The following KIAA0825 variants were observed in gnomAD, a reference collection of about 807,000 sequenced individuals.
KIAA0825 encodes the protein uncharacterized protein KIAA0825.
KIAA0825 carries 119 observed loss-of-function variants against 147.6 expected under a neutral mutation model. That is an observed-to-expected ratio of 0.81 (90% confidence interval 0.69 to 0.94). KIAA0825 has a LOEUF of 0.94. Ranked by LOEUF, KIAA0825 falls within the 40% of genes least tolerant of loss-of-function variation. KIAA0825 has a pLI of 0.00. For missense variants in KIAA0825, 1,381 were observed against 1,472.7 expected, an observed-to-expected ratio of 0.94 and a Z score of 1.02; for synonymous variants, 470 against 518.1, an observed-to-expected ratio of 0.91 and a Z score of 1.26.
intron 20 of KIAA0825, among the ~76,000 whole-genome samples, chr5:94,255,327 G>A (rs1390055067): frequency 6.6e-6 from 1 of 151,846 alleles, no homozygotes; most frequent in Admixed American, 6.6e-5. Flanking sequence ...AACTTTATAA[G>A]AGTGCCTAAA....
At chr5:94,205,449 C>T (rs1460536311) in intron 20 of KIAA0825, among the ~76,000 whole-genome samples, 2 of 151,220 alleles carry the variant, frequency 1.3e-5, no homozygotes, top group African/African-American at 4.9e-5. Context: ...CTACAGGTGC[C>T]CACCACCACT....
intron 20 of KIAA0825, among the ~76,000 whole-genome samples, chr5:94,327,448 G>A (rs76046039): frequency 0.023 from 3,472 of 151,856 alleles, 117 homozygotes; most frequent in African/African-American, 0.079. Context: ...CTTCATCACC[G>A]TCTCTACAGG....
At chr5:94,302,275 T>A (rs906122448) in intron 20 of KIAA0825, among the ~76,000 whole-genome samples, 8 of 152,164 alleles carry the variant, frequency 5.3e-5, no homozygotes, top group Admixed American at 5.2e-4. Context: ...GCCTAACATA[T>A]GTTCTATTCA....
rs1766582065 is a variant in KIAA0825 at position 94,152,663 on chromosome 5, A to G, written c.*1344T>C. On this transcript the variant is annotated 3_prime_UTR_variant, in exon 21 of 21. Coordinates refer to ENST00000682413, the MANE Select transcript of KIAA0825 (RefSeq NM_001145678.3). ...CTCATCTTTACAAAAAAATTAAAAA[A>G]AATTAACCAGGTGTGGTGGCATGCA... is the stretch of plus-strand genomic sequence containing the variant. Among the ~76,000 whole-genome samples the G allele has an allele frequency of 6.7e-6, 1 of 150,020 alleles. No individual in the cohort carries two copies. The highest frequency in any genetic ancestry group is 6.6e-5 in the Admixed American group (1 of 15,038).
chr5:94,607,237 T>G (rs1787652713), intron 1 of KIAA0825, among the ~76,000 whole-genome samples: 1 of 152,038 alleles, frequency 6.6e-6, no homozygotes, highest in Non-Finnish European at 1.5e-5. Flanking sequence ...TCAGGTGGTG[T>G]GCAAGGTCAA....
At chr5:94,410,659 A>G (rs971830613) in intron 15 of KIAA0825, among the ~76,000 whole-genome samples, 1 of 152,222 alleles carries the variant, frequency 6.6e-6, no homozygotes, top group Non-Finnish European at 1.5e-5. Flanking sequence ...TATTGTCAGA[A>G]ATAATGCAAG....
rs1468849169 is a variant in KIAA0825 at position 94,362,914 on chromosome 5, T to C, written c.3710+21454A>G. Among the ~76,000 whole-genome samples, 3 of 152,352 alleles carry C rather than the reference T, an allele frequency of 2.0e-5. No individual in the cohort carries two copies. The South Asian group carries it at 6.2e-4, about 32-fold the overall frequency. On this transcript the variant is annotated intron_variant, in intron 20 of 20. Coordinates refer to ENST00000682413, the MANE Select transcript of KIAA0825 (RefSeq NM_001145678.3). Reference sequence around the variant, plus strand: ...TCTGCTAGCAAATATATTCTCTGTATAATAAAATAACAAGAGTCTGGATTG... The same window carrying C: ...TCTGCTAGCAAATATATTCTCTGTACAATAAAATAACAAGAGTCTGGATTG...
At chr5:94,247,708 A>G (rs1229635903) in intron 20 of KIAA0825, among the ~76,000 whole-genome samples, 5 of 152,142 alleles carry the variant, frequency 3.3e-5, no homozygotes, top group Non-Finnish European at 2.9e-5. Context: ...GTGCTAGTGT[A>G]AAGTTCAGAA....
At chr5:94,175,011 C>G (rs1276048777) in intron 20 of KIAA0825, among the ~76,000 whole-genome samples, 1 of 152,040 alleles carries the variant, frequency 6.6e-6, no homozygotes, top group African/African-American at 2.4e-5. Flanking sequence ...AAAGTCTTGC[C>G]CCTAAAAGCT....
intron 20 of KIAA0825, among the ~76,000 whole-genome samples, chr5:94,283,829 G>T (rs1777558716): frequency 6.6e-6 from 1 of 152,040 alleles, no homozygotes; most frequent in South Asian, 2.1e-4. Flanking sequence ...GGAGGAGAAA[G>T]CTTACCAATT....
At chr5:94,251,546 A>G (rs916233367) in intron 20 of KIAA0825, among the ~76,000 whole-genome samples, 3 of 152,088 alleles carry the variant, frequency 2.0e-5, no homozygotes, top group Non-Finnish European at 2.9e-5. Flanking sequence ...GAAAGAAGCA[A>G]ACAACTTAGA....
At chr5:94,419,283 A>T (rs541297386) in intron 14 of KIAA0825, among the ~76,000 whole-genome samples, 1 of 152,302 alleles carries the variant, frequency 6.6e-6, no homozygotes, top group East Asian at 1.9e-4. Flanking sequence ...AAATATTCCT[A>T]ATCCAGGCTT....
chr5:94,376,101 T>G (rs548522527), intron 20 of KIAA0825, among the ~76,000 whole-genome samples: 2 of 152,188 alleles, frequency 1.3e-5, no homozygotes, highest in Non-Finnish European at 1.5e-5. Flanking sequence ...CTTTGTAAGG[T>G]TATTATAAGG....
At chr5:94,175,494 C>T (rs1033070940) in intron 20 of KIAA0825, among the ~76,000 whole-genome samples, 9 of 152,112 alleles carry the variant, frequency 5.9e-5, no homozygotes, top group Non-Finnish European at 1.0e-4. Flanking sequence ...TTCTATGACT[C>T]CCAAGAGAAT....
intron 12 of KIAA0825, among the ~76,000 whole-genome samples, chr5:94,455,224 G>T (rs1758951156): frequency 4.0e-5 from 6 of 151,846 alleles, no homozygotes. Context: ...AAGATGTAAA[G>T]ATCGTCAAAG....
At chr5:94,593,008 CAGA>C (rs1348854844) in intron 1 of KIAA0825, 8 of 626,784 alleles carry the variant, frequency 1.3e-5, no homozygotes, top group East Asian at 1.2e-4. Flanking sequence ...GCTTCAAAAG[CAGA>C]AGATCAGTCT....
chr5:94,183,584 C>T (rs1769862519), intron 20 of KIAA0825, among the ~76,000 whole-genome samples: 1 of 152,128 alleles, frequency 6.6e-6, no homozygotes, highest in Non-Finnish European at 1.5e-5. Context: ...CTTGACATCC[C>T]AGAAGGAGAA....
intron 14 of KIAA0825, 54 bp downstream of exon 14, chr5:94,439,928 A>C: frequency 1.3e-6 from 2 of 1,506,688 alleles, no homozygotes; most frequent in South Asian, 1.3e-5. Context: ...ATGTTATTCA[A>C]CTCGAGCAAT....
chr5:94,328,100 T>C (rs568140055), intron 20 of KIAA0825, among the ~76,000 whole-genome samples: 1 of 152,308 alleles, frequency 6.6e-6, no homozygotes, highest in African/African-American at 2.4e-5. Flanking sequence ...CAATAGTTTA[T>C]AGGCAGTCAT....
Sources: allele counts gnomAD v4.1 joint callset (sites outside exome capture counted in the v4.1 genomes callset), GRCh38; gene constraint gnomAD v4.1.1; transcripts MANE v1.5; gene names NCBI Gene and HGNC (gene_info 2026-07-23, HGNC 2026-07-21).